Variants in PKP4 observed in about 807,000 individuals in gnomAD.
The protein encoded by PKP4 is plakophilin-4.
A neutral mutation model predicts 145.1 loss-of-function variants in PKP4; 90 were observed. The ratio of observed to expected loss-of-function variants is 0.62; its 90% confidence interval spans 0.52 to 0.74. The LOEUF (loss-of-function observed/expected upper bound fraction) is 0.74. PKP4 is among the 30% of genes least tolerant of loss of function. The probability of loss-of-function intolerance (pLI) is 0.00; values close to 1 mark genes in which losing one functional copy is unlikely to be tolerated. For synonymous variants in PKP4, 563 were observed against 577.2 expected (o/e 0.98, Z 0.35); for missense variants, 1,340 against 1,482.7 (o/e 0.90, Z 1.58).
intron 11 of PKP4, among the ~76,000 whole-genome samples, chr2:158,647,470 T>A (rs2054939503): frequency 6.6e-6 from 1 of 152,194 alleles, no homozygotes; most frequent in Non-Finnish European, 1.5e-5. Context: ...TGTACTTAAG[T>A]GGAGAAATTT....
intron 1 of PKP4, among the ~76,000 whole-genome samples, chr2:158,504,998 G>A (rs933758788): frequency 5.9e-5 from 9 of 152,176 alleles, no homozygotes; most frequent in African/African-American, 9.7e-5. Flanking sequence ...TCTTCCAAAG[G>A]AGAAAATGGA....
chr2:158,482,180 G>C (rs1239416797), intron 1 of PKP4, among the ~76,000 whole-genome samples: 1 of 152,224 alleles, frequency 6.6e-6, no homozygotes, highest in East Asian at 1.9e-4. Context: ...CGTATAGCTA[G>C]TGCCTACTAT....
At chr2:158,464,196 G>C (rs1478005011) in intron 1 of PKP4, among the ~76,000 whole-genome samples, 1 of 152,202 alleles carries the variant, frequency 6.6e-6, no homozygotes, top group East Asian at 1.9e-4. Context: ...TGTCCTCAGA[G>C]AAGTTAAACA....
intron 3 of PKP4, among the ~76,000 whole-genome samples, chr2:158,580,952 C>T (rs2048282272): frequency 1.3e-5 from 2 of 152,192 alleles, no homozygotes; most frequent in South Asian, 2.1e-4. Context: ...ACCCCCATGG[C>T]CCTGGCACAG....
At chr2:158,635,657 A>T (rs2053746401) in intron 9 of PKP4, among the ~76,000 whole-genome samples, 1 of 152,164 alleles carries the variant, frequency 6.6e-6, no homozygotes, top group Non-Finnish European at 1.5e-5. Flanking sequence ...GATTCTCTAT[A>T]AACAAGGACT....
At chr2:158,561,993 A>T (rs182695157) in intron 2 of PKP4, among the ~76,000 whole-genome samples, 1 of 143,148 alleles carries the variant, frequency 7.0e-6, no homozygotes, top group Non-Finnish European at 1.5e-5. Context: ...GTGTTCTCAT[A>T]ATCAAGTCAG....
chr2:158,658,514 A>G, intron 12 of PKP4, 200 bp downstream of exon 12: 1 of 479,000 alleles, frequency 2.1e-6, no homozygotes, highest in Non-Finnish European at 3.6e-6. Context: ...GTTATCTTGT[A>G]AATGACTCTT....
intron 1 of PKP4, among the ~76,000 whole-genome samples, chr2:158,458,838 A>T (rs1689313837): frequency 6.6e-6 from 1 of 152,184 alleles, no homozygotes; most frequent in African/African-American, 2.4e-5. Context: ...GTCAGTTACC[A>T]TTGAAAGTAA....
chr2:158,674,896 C>T (rs546181902), intron 19 of PKP4, among the ~76,000 whole-genome samples: 5 of 152,190 alleles, frequency 3.3e-5, no homozygotes, highest in East Asian at 1.9e-4. Flanking sequence ...GCCAAAAAGA[C>T]GAATATACAT....
chr2:158,546,799 A>G (rs1487026521), intron 2 of PKP4, among the ~76,000 whole-genome samples: 3 of 152,152 alleles, frequency 2.0e-5, no homozygotes, highest in African/African-American at 7.2e-5. Flanking sequence ...TGAAATCTCA[A>G]AGTTGAGAGA....
chr2:158,584,078 G>C (rs2048578665), intron 3 of PKP4, among the ~76,000 whole-genome samples: 1 of 152,172 alleles, frequency 6.6e-6, no homozygotes, highest in African/African-American at 2.4e-5. Context: ...TCTCTGCACT[G>C]GGGTCCCAGC....
intron 3 of PKP4, among the ~76,000 whole-genome samples, chr2:158,594,044 G>A (rs1186255972): frequency 1.3e-5 from 2 of 152,270 alleles, no homozygotes; most frequent in East Asian, 1.9e-4. Context: ...GTCACTGAGG[G>A]AAATATGAGT....
At chr2:158,647,842 A>G in intron 11 of PKP4, among the ~76,000 whole-genome samples, 1 of 152,254 alleles carries the variant, frequency 6.6e-6, no homozygotes, top group East Asian at 1.9e-4. Context: ...CAGTTTGGTT[A>G]TAAAATGAAT....
At position 158,580,826 on chromosome 2, in the gene PKP4, T is replaced by G. The variant is rs553232258; in HGVS notation, c.245+3443T>G. 1.9e-3 allele frequency among the ~76,000 whole-genome samples: 288 copies of G among 152,334 alleles called. 2 individuals are homozygous for G. The highest frequency in any genetic ancestry group is 3.7e-3 in the Non-Finnish European group (250 of 68,026). On this transcript the variant is annotated intron_variant, in intron 3 of 21. Coordinates refer to ENST00000389759, the MANE Select transcript of PKP4 (RefSeq NM_003628.6). ...ATTCTTGATGTCCCAACTAAATGCT[T>G]ACCCTTCTTTACAACCTTTCTCAAG...
chr2:158,458,935 GAA>G (rs11312734), intron 1 of PKP4, among the ~76,000 whole-genome samples: 8 of 146,126 alleles, frequency 5.5e-5, no homozygotes, highest in African/African-American at 2.0e-4. Context: ...GAGTTTGACT[GAA>G]AAAAAAAAAT....
At chr2:158,501,533 C>G (rs1393225615) in intron 1 of PKP4, among the ~76,000 whole-genome samples, 2 of 152,190 alleles carry the variant, frequency 1.3e-5, no homozygotes, top group African/African-American at 4.8e-5. Flanking sequence ...GCCTGCATGC[C>G]CTGCTGACAT....
chr2:158,603,671 TC>T (rs2050413319), intron 4 of PKP4, among the ~76,000 whole-genome samples: 1 of 152,306 alleles, frequency 6.6e-6, no homozygotes, highest in South Asian at 2.1e-4. Context: ...CAGCCTTCAC[TC>T]AATAAATGTT....
At position 158,509,288 on chromosome 2, in the gene PKP4, A is replaced by G. The variant is rs898685287; in HGVS notation, c.-5-23892A>G. ...ATCAAGCAAAATTTTAAGAGTAACA[A>G]TATTTTAAGAGATATAAACACAGTT... On this transcript the variant is annotated intron_variant, in intron 1 of 21. Coordinates refer to ENST00000389759, the MANE Select transcript of PKP4 (RefSeq NM_003628.6). Among the ~76,000 whole-genome samples, 6 of 152,244 alleles carry G rather than the reference A, an allele frequency of 3.9e-5. No homozygotes were observed. The East Asian group carries it at 5.8e-4, about 15-fold the overall frequency.
chr2:158,657,553 A>G (rs1158194634), intron 11 of PKP4, among the ~76,000 whole-genome samples: 1 of 152,266 alleles, frequency 6.6e-6, no homozygotes, highest in African/African-American at 2.4e-5. Context: ...AGTAAGGTGG[A>G]TGAAGCAAAT....
Sources: allele counts gnomAD v4.1 joint callset (sites outside exome capture counted in the v4.1 genomes callset), GRCh38; gene constraint gnomAD v4.1.1; transcripts MANE v1.5; gene names NCBI Gene and HGNC (gene_info 2026-07-23, HGNC 2026-07-21).